Variants in CNTNAP3B observed in about 807,000 individuals in gnomAD.
CNTNAP3B encodes the protein contactin-associated protein-like 3B.
CNTNAP3B carries 25 observed loss-of-function variants against 108.9 expected under a neutral mutation model. That is an observed-to-expected ratio of 0.23 (90% CI 0.17 to 0.32). CNTNAP3B has a LOEUF of 0.32. Among genes scored for constraint, CNTNAP3B ranks in the 10% least tolerant of loss-of-function variants. The pLI, the probability that CNTNAP3B is intolerant of heterozygous loss-of-function variation, is 1.00. For missense variants in CNTNAP3B, 252 were observed against 1,210.4 expected, an observed-to-expected ratio of 0.21 and a Z score of 11.75; for synonymous variants, 103 against 473.4, an observed-to-expected ratio of 0.22 and a Z score of 10.16.
At chr9:41,961,327 A>AGCAT (rs1337404392) in intron 11 of CNTNAP3B, among the ~76,000 whole-genome samples, 1 of 152,300 alleles carries the variant, frequency 6.6e-6, no homozygotes, top group Non-Finnish European at 1.5e-5. Flanking sequence ...TAGGCAAGAA[A>AGCAT]GCATGCAAAC....
intron 1 of CNTNAP3B, among the ~76,000 whole-genome samples, chr9:42,112,018 C>T (rs1202309319): frequency 7.2e-6 from 1 of 139,398 alleles, no homozygotes; most frequent in East Asian, 2.2e-4. Flanking sequence ...CAGGTCCTGG[C>T]ATTCAATTCC....
chr9:42,003,106 C>A (rs1456568688), intron 4 of CNTNAP3B, among the ~76,000 whole-genome samples: 1 of 137,572 alleles, frequency 7.3e-6, no homozygotes, highest in Non-Finnish European at 1.6e-5. Flanking sequence ...CAAGGCTGGT[C>A]TTGAATTCCT....
chr9:42,099,695 A>T lies in CNTNAP3B; in HGVS notation c.196+4934T>A, dbSNP rs1241826026. On this transcript the variant is annotated intron_variant, in intron 2 of 23. Coordinates refer to ENST00000377561, the MANE Select transcript of CNTNAP3B (RefSeq NM_001201380.3). ...CTCAAACTCTCCTTCGGTCTAATGC[A>T]TGGTTAGTTATTGTACATTCATTTT... Among the ~76,000 whole-genome samples the T allele has an allele frequency of 1.1e-4, 12 of 110,938 alleles. 3 individuals are homozygous for T. In the South Asian group the frequency reaches 1.2e-3, roughly 11 times the overall value. 72.8% of individuals were successfully genotyped at this position (110,938 alleles called of 152,430 possible).
At chr9:41,947,681 G>T (rs1476139583) in intron 13 of CNTNAP3B, among the ~76,000 whole-genome samples, 45 of 151,928 alleles carry the variant, frequency 3.0e-4, no homozygotes, top group African/African-American at 1.0e-3. Context: ...ATAACAAAGA[G>T]AAGAGCAGAT....
At chr9:41,961,654 C>G (rs1340532906) in intron 11 of CNTNAP3B, among the ~76,000 whole-genome samples, 4 of 152,276 alleles carry the variant, frequency 2.6e-5, no homozygotes, top group Non-Finnish European at 4.4e-5. Context: ...AATTTATAAG[C>G]TATCAACTTC....
intron 3 of CNTNAP3B, among the ~76,000 whole-genome samples, chr9:42,063,789 A>G (rs1423660348): frequency 7.6e-5 from 11 of 145,258 alleles, no homozygotes; most frequent in African/African-American, 2.9e-4. Context: ...TAGCATGATC[A>G]TGGCTCACTG....
chr9:42,055,305 A>G (rs1276428260), intron 3 of CNTNAP3B, among the ~76,000 whole-genome samples: 4 of 136,220 alleles, frequency 2.9e-5, no homozygotes, highest in African/African-American at 1.2e-4. Context: ...ATATATATAT[A>G]TACATATATT....
At chr9:41,947,371 A>G (rs1817690799) in intron 13 of CNTNAP3B, among the ~76,000 whole-genome samples, 2 of 152,378 alleles carry the variant, frequency 1.3e-5, no homozygotes, top group South Asian at 2.1e-4. Flanking sequence ...AGAAAAAGAA[A>G]ATCTCTAAAC....
intron 9 of CNTNAP3B, chr9:41,979,722 G>T (rs190566236): frequency 1.6e-5 from 1 of 62,488 alleles, no homozygotes; most frequent in Admixed American, 2.2e-4. Flanking sequence ...TGGGATTACA[G>T]GCACCTGCCA....
intron 14 of CNTNAP3B, among the ~76,000 whole-genome samples, chr9:41,932,470 G>T (rs1469361857): frequency 6.6e-6 from 1 of 150,780 alleles, no homozygotes; most frequent in Non-Finnish European, 1.5e-5. Context: ...AGGTTGCAAA[G>T]AAAGCTAAAA....
At chr9:42,035,746 C>G in intron 3 of CNTNAP3B, among the ~76,000 whole-genome samples, 1 of 151,044 alleles carries the variant, frequency 6.6e-6, no homozygotes, top group East Asian at 1.9e-4. Context: ...CAGCTTTGAA[C>G]TCCTGGGCTT....
chr9:42,053,914 C>A (rs1386504132), intron 3 of CNTNAP3B, among the ~76,000 whole-genome samples: 76 of 150,080 alleles, frequency 5.1e-4, no homozygotes, highest in African/African-American at 1.9e-3. Context: ...CCACCCAAAC[C>A]ATGGCAGACT....
At chr9:41,966,703 C>T (rs1469910354) in intron 10 of CNTNAP3B, among the ~76,000 whole-genome samples, 1 of 152,376 alleles carries the variant, frequency 6.6e-6, no homozygotes, top group Non-Finnish European at 1.5e-5. Flanking sequence ...TGTGGTGGCT[C>T]ACGCCTGTAA....
chr9:42,024,669 CAA>C (rs1216353981), intron 3 of CNTNAP3B, among the ~76,000 whole-genome samples: 1,641 of 83,122 alleles, frequency 0.02, no homozygotes, highest in South Asian at 0.035. Flanking sequence ...CCAGGGTTCA[CAA>C]AAAAAAAAAA....
At chr9:42,034,258 T>G (rs1826582366) in intron 3 of CNTNAP3B, among the ~76,000 whole-genome samples, 1 of 125,824 alleles carries the variant, frequency 7.9e-6, no homozygotes, top group Admixed American at 8.1e-5. Context: ...GTGAACCATG[T>G]GGAACTTCCA....
At chr9:42,059,894 A>G (rs1313767366) in intron 3 of CNTNAP3B, among the ~76,000 whole-genome samples, 65 of 140,656 alleles carry the variant, frequency 4.6e-4, no homozygotes, top group African/African-American at 1.6e-3. Flanking sequence ...CTGGCCTGAA[A>G]TTTATGCATT....
chr9:41,927,161 A>C (rs1823844347), intron 15 of CNTNAP3B, among the ~76,000 whole-genome samples: 1 of 152,106 alleles, frequency 6.6e-6, no homozygotes, highest in African/African-American at 2.4e-5. Context: ...ATTATGGGAA[A>C]AAATATTGAT....
At chr9:42,113,002 G>T (rs577759355) in intron 1 of CNTNAP3B, among the ~76,000 whole-genome samples, 5 of 131,438 alleles carry the variant, frequency 3.8e-5, no homozygotes, top group African/African-American at 9.2e-5. Context: ...TGATCCACCT[G>T]CCTCAACCTC....
chr9:42,117,972 C>T (rs1462788294), intron 1 of CNTNAP3B, among the ~76,000 whole-genome samples: 3 of 136,362 alleles, frequency 2.2e-5, no homozygotes, highest in African/African-American at 8.8e-5. Context: ...CAAGACTAAA[C>T]CAGGAAAAAG....
Sources: gnomAD v4.1 joint callset for allele counts (sites outside exome capture counted in the v4.1 genomes callset) on GRCh38, gnomAD v4.1.1 for gene constraint, MANE v1.5 for transcripts, NCBI Gene and HGNC (gene_info 2026-07-23, HGNC 2026-07-21) for gene names.